The following RBFOX1 variants were observed in gnomAD, a reference collection of about 807,000 sequenced individuals.
The protein encoded by RBFOX1 is RNA binding fox-1 homolog 1.
RBFOX1 carries 8 observed loss-of-function variants against 57.7 expected under a neutral mutation model. That is an observed-to-expected ratio of 0.14 (90% CI 0.08 to 0.25). RBFOX1 has a LOEUF of 0.25. Ranked by LOEUF, RBFOX1 falls within the 10% of genes least tolerant of loss-of-function variation. The probability of loss-of-function intolerance (pLI) is 1.00; values close to 1 mark genes in which losing one functional copy is unlikely to be tolerated. For missense variants in RBFOX1, 611 were observed against 548.5 expected (o/e 1.11, Z -1.14); for synonymous variants, 326 against 222.4 (o/e 1.47, Z -4.15).
chr16:5,429,218 G>A (rs372505628), intron 1 of RBFOX1, among the ~76,000 whole-genome samples: 4 of 152,134 alleles, frequency 2.6e-5, no homozygotes, highest in East Asian at 1.9e-4. Context: ...TAATCTCTTT[G>A]CTTAAGCCAG....
At chr16:6,344,908 C>T (rs1051717107) in intron 2 of RBFOX1, among the ~76,000 whole-genome samples, 2 of 150,382 alleles carry the variant, frequency 1.3e-5, no homozygotes, top group African/African-American at 2.5e-5. Flanking sequence ...CCAGGCTGGT[C>T]TTGAATTTCT....
chr16:6,108,867 A>G (rs1016127550), intron 1 of RBFOX1, among the ~76,000 whole-genome samples: 1 of 152,046 alleles, frequency 6.6e-6, no homozygotes, highest in Non-Finnish European at 1.5e-5. Flanking sequence ...TCTCTCTTAT[A>G]GGGACGCTTG....
intron 3 of RBFOX1, among the ~76,000 whole-genome samples, chr16:5,640,881 A>G (rs2048845207): frequency 6.8e-6 from 1 of 146,968 alleles, no homozygotes; most frequent in African/African-American, 2.6e-5. Context: ...CACACACACC[A>G]TGCATGCAAA....
intron 2 of RBFOX1, among the ~76,000 whole-genome samples, chr16:6,459,525 G>T (rs1464371324): frequency 6.6e-6 from 1 of 152,098 alleles, no homozygotes. Context: ...GAGCTGATCA[G>T]TCACTGACCT....
chr16:6,623,879 A>G (rs1276822017), intron 2 of RBFOX1, among the ~76,000 whole-genome samples: 1 of 152,268 alleles, frequency 6.6e-6, no homozygotes, highest in East Asian at 1.9e-4. Context: ...AGTCTTTGCT[A>G]TTGTGAATAG....
intron 1 of RBFOX1, among the ~76,000 whole-genome samples, chr16:5,297,929 A>G (rs1411304601): frequency 6.6e-6 from 1 of 152,156 alleles, no homozygotes; most frequent in Non-Finnish European, 1.5e-5. Context: ...AACATTTTGT[A>G]TTCTCCCTTT....
intron 4 of RBFOX1, among the ~76,000 whole-genome samples, chr16:7,413,028 C>T (rs565012491): frequency 6.6e-6 from 1 of 151,080 alleles, no homozygotes; most frequent in Non-Finnish European, 1.5e-5. Flanking sequence ...GGCGAAAGAG[C>T]GAGACTCCGT....
At chr16:5,987,618 A>T (rs1388541112) in intron 4 of RBFOX1, among the ~76,000 whole-genome samples, 1 of 152,088 alleles carries the variant, frequency 6.6e-6, no homozygotes, top group Non-Finnish European at 1.5e-5. Flanking sequence ...CAGGAGAATC[A>T]CTTGAGGCCA....
rs1328504200 is a variant in RBFOX1 at position 7,421,152 on chromosome 16, A to G, written c.28-96995A>G. 3.3e-5 allele frequency among the ~76,000 whole-genome samples: 5 copies of G among 152,130 alleles called. No individual in the cohort carries two copies. In the East Asian group the frequency reaches 7.7e-4, roughly 23 times the overall value. ...GGTGGAGAAGGCACTGGTATTGACC[A>G]GGAAAGTTGTATGTAATAGAAATTG... On this transcript the variant is annotated intron_variant, in intron 4 of 15. Coordinates refer to ENST00000550418, the MANE Select transcript of RBFOX1 (RefSeq NM_018723.4).
chr16:7,289,589 C>A (rs1263394646), intron 4 of RBFOX1, among the ~76,000 whole-genome samples: 3 of 152,056 alleles, frequency 2.0e-5, no homozygotes, highest in East Asian at 3.9e-4. Context: ...GCCATCATTA[C>A]TACCATCACT....
At chr16:5,801,183 C>G (rs773199344) in intron 3 of RBFOX1, among the ~76,000 whole-genome samples, 1 of 152,170 alleles carries the variant, frequency 6.6e-6, no homozygotes, top group South Asian at 2.1e-4. Flanking sequence ...TACCAGAACT[C>G]CTGACCTTCT....
intron 2 of RBFOX1, among the ~76,000 whole-genome samples, chr16:6,379,138 T>A (rs1025522008): frequency 6.6e-6 from 1 of 152,028 alleles, no homozygotes; most frequent in South Asian, 2.1e-4. Context: ...AAATAAAGAA[T>A]GGTTTGAGAA....
intron 2 of RBFOX1, among the ~76,000 whole-genome samples, chr16:6,643,579 C>T (rs781199478): frequency 1.3e-5 from 2 of 152,104 alleles, no homozygotes; most frequent in Non-Finnish European, 2.9e-5. Context: ...TTTAATAAAG[C>T]AATTAACTTT....
chr16:5,923,301 G>T (rs951065882), intron 4 of RBFOX1, among the ~76,000 whole-genome samples: 10 of 152,108 alleles, frequency 6.6e-5, no homozygotes, highest in African/African-American at 2.4e-4. Context: ...TGTGTGATTG[G>T]GGATGGGGAT....
intron 4 of RBFOX1, among the ~76,000 whole-genome samples, chr16:7,268,103 G>A (rs1366485191): frequency 6.6e-6 from 1 of 152,074 alleles, no homozygotes; most frequent in Non-Finnish European, 1.5e-5. Flanking sequence ...TGCTGAATAT[G>A]GTAGGCATGT....
chr16:6,615,371 A>G (rs1350806187), intron 2 of RBFOX1, among the ~76,000 whole-genome samples: 1 of 152,070 alleles, frequency 6.6e-6, no homozygotes, highest in East Asian at 1.9e-4. Context: ...GGAGTTGGAG[A>G]CCAGCCTGGC....
chr16:7,535,336 A>G (rs773174658), intron 5 of RBFOX1, among the ~76,000 whole-genome samples: 3 of 152,186 alleles, frequency 2.0e-5, no homozygotes, highest in Non-Finnish European at 4.4e-5. Flanking sequence ...TTAGGGTTTC[A>G]TGGATGTGAG....
chr16:7,024,656 G>A (rs908621367), intron 3 of RBFOX1, among the ~76,000 whole-genome samples: 3 of 152,166 alleles, frequency 2.0e-5, no homozygotes, highest in Non-Finnish European at 4.4e-5. Flanking sequence ...GAGATCTCCT[G>A]TTCTTTGCAG....
At chr16:6,175,584 T>G (rs1021393109) in intron 1 of RBFOX1, among the ~76,000 whole-genome samples, 1 of 152,170 alleles carries the variant, frequency 6.6e-6, no homozygotes, top group East Asian at 1.9e-4. Context: ...TAGTAATAGC[T>G]GTAGGAACTA....
Sources: allele counts gnomAD v4.1 joint callset (sites outside exome capture counted in the v4.1 genomes callset), GRCh38; gene constraint gnomAD v4.1.1; transcripts MANE v1.5; gene names NCBI Gene and HGNC (gene_info 2026-07-23, HGNC 2026-07-21).